CCDC144A: variants seen among roughly 807,000 people sequenced by gnomAD.
CCDC144A encodes the protein coiled-coil domain-containing protein 144A.
CCDC144A carries 41 observed loss-of-function variants against 143.8 expected under a neutral mutation model. The observed-to-expected ratio is 0.29, with a 90% CI of 0.22 to 0.37. The LOEUF is 0.37. Among genes scored for constraint, CCDC144A ranks in the 10% least tolerant of loss-of-function variants. The pLI, the probability that CCDC144A is intolerant of heterozygous loss-of-function variation, is 1.00. For missense variants in CCDC144A, 637 were observed against 1,488.8 expected, an observed-to-expected ratio of 0.43 and a Z score of 9.41; for synonymous variants, 242 against 517.9, an observed-to-expected ratio of 0.47 and a Z score of 7.23.
At chr17:16,681,704 C>T in the CCDC144A span, among the ~76,000 whole-genome samples, 2 of 151,786 alleles carry the variant, frequency 1.3e-5, 1 homozygote, top group Admixed American at 1.3e-4. Context: ...ACTAAAAATA[C>T]AAAAAATTAG....
chr17:16,769,408 T>C (rs1367330625), intron 15 of CCDC144A, among the ~76,000 whole-genome samples: 2 of 152,272 alleles, frequency 1.3e-5, no homozygotes, highest in African/African-American at 4.8e-5. Flanking sequence ...TCCCATGTCT[T>C]TGTATGTACA....
chr17:16,691,373 G>A (rs369026119), intron 1 of CCDC144A, among the ~76,000 whole-genome samples: 5 of 152,202 alleles, frequency 3.3e-5, no homozygotes, highest in East Asian at 3.9e-4. Context: ...CAGATTTGTG[G>A]CAGGAAGCCA....
intron 12 of CCDC144A, among the ~76,000 whole-genome samples, chr17:16,753,682 T>C (rs1466821844): frequency 6.6e-6 from 1 of 152,180 alleles, no homozygotes; most frequent in Non-Finnish European, 1.5e-5. Flanking sequence ...GGCGTGTTTA[T>C]GGTTTTCTGT....
chr17:16,683,553 C>G, the CCDC144A span: 1 of 1,591,548 alleles, frequency 6.3e-7, no homozygotes, highest in South Asian at 1.1e-5. Context: ...CGCGGTCTTT[C>G]TGACCGGGAA....
chr17:16,696,317 A>G (rs1234892737), intron 2 of CCDC144A, among the ~76,000 whole-genome samples: 5 of 149,964 alleles, frequency 3.3e-5, no homozygotes, highest in Admixed American at 2.0e-4. Context: ...CCCTGCCCAG[A>G]CTTTTTAATA....
the CCDC144A span, among the ~76,000 whole-genome samples, chr17:16,675,908 A>G: frequency 1.3e-5 from 2 of 150,908 alleles, no homozygotes; most frequent in African/African-American, 4.9e-5. Context: ...AAGCCCAGCT[A>G]ATTTTTTTTT....
At chr17:16,743,537 G>T (rs1276209444) in intron 12 of CCDC144A, among the ~76,000 whole-genome samples, 11 of 151,918 alleles carry the variant, frequency 7.2e-5, no homozygotes, top group Admixed American at 5.2e-4. Context: ...CTCCAGCTCT[G>T]TTCTTTTCCC....
the CCDC144A span, among the ~76,000 whole-genome samples, chr17:16,681,305 G>A: frequency 1.3e-5 from 2 of 151,776 alleles, no homozygotes; most frequent in Non-Finnish European, 2.9e-5. Flanking sequence ...TCTAATCAAT[G>A]GATAACAAAA....
intron 8 of CCDC144A, 140 bp downstream of exon 8, chr17:16,720,798 T>C: frequency 7.1e-7 from 1 of 1,408,786 alleles, no homozygotes; most frequent in Non-Finnish European, 9.4e-7. Flanking sequence ...ACTTATACTC[T>C]ACGCCAAAGA....
chr17:16,682,202 G>GGTGTGTGT, the CCDC144A span, among the ~76,000 whole-genome samples: 23 of 145,230 alleles, frequency 1.6e-4, no homozygotes, highest in African/African-American at 5.8e-4. Flanking sequence ...TCTGAAAATG[G>GGTGTGTGT]GTGTGTGTGT....
intron 5 of CCDC144A, among the ~76,000 whole-genome samples, chr17:16,711,143 A>AAAAAC (rs1912394026): frequency 7.4e-6 from 1 of 135,052 alleles, no homozygotes; most frequent in East Asian, 2.0e-4. Context: ...AATGAAAAAA[A>AAAAAC]AAAAAAAAAA....
intron 8 of CCDC144A, among the ~76,000 whole-genome samples, chr17:16,720,928 T>C (rs879671644): frequency 5.6e-4 from 86 of 152,260 alleles, no homozygotes; most frequent in Non-Finnish European, 1.0e-3. Flanking sequence ...CCACCTGGAA[T>C]GCTGCGAGAA....
At chr17:16,705,564 T>C (rs1912002555) in intron 3 of CCDC144A, 165 bp downstream of exon 3, 1 of 644,790 alleles carries the variant, frequency 1.6e-6, no homozygotes, top group African/African-American at 1.8e-5. Context: ...GTTCTTCCTT[T>C]AACCAAAGCA....
At chr17:16,725,642 G>A (rs982822693) in intron 8 of CCDC144A, among the ~76,000 whole-genome samples, 1 of 151,386 alleles carries the variant, frequency 6.6e-6, no homozygotes, top group Admixed American at 6.6e-5. Flanking sequence ...GTGGGAGGGG[G>A]GTGAGGGACA....
At chr17:16,756,380 C>T (rs1229352593) in intron 12 of CCDC144A, among the ~76,000 whole-genome samples, 1 of 152,014 alleles carries the variant, frequency 6.6e-6, no homozygotes, top group Admixed American at 6.5e-5. Context: ...CATTCTTCTC[C>T]TTGATCTAGT....
At chr17:16,688,104 A>G (rs1910845369), upstream of CCDC144A, among the ~76,000 whole-genome samples, 1 of 151,606 alleles carries the variant, frequency 6.6e-6, no homozygotes, top group Non-Finnish European at 1.5e-5. Context: ...TTTTTTTCTC[A>G]CTGACATGTA....
intron 3 of CCDC144A, chr17:16,705,602 A>C: frequency 1.8e-6 from 1 of 568,386 alleles, no homozygotes; most frequent in Non-Finnish European, 3.2e-6. Context: ...AATTAGGGGA[A>C]AGCATGATTT....
At chr17:16,729,934 A>T (rs1364778495) in intron 9 of CCDC144A, among the ~76,000 whole-genome samples, 1 of 140,138 alleles carries the variant, frequency 7.1e-6, no homozygotes, top group East Asian at 2.0e-4. Flanking sequence ...TCACCTGAGT[A>T]GTACATATTG....
rs772988629 is a variant in CCDC144A at position 16,735,019 on chromosome 17, C to T, written c.2748C>T (p.Tyr916=). ...QERLEIEMES[Y]RCRLAAAVRD... Reference sequence around the variant, plus strand: ...GACTAGAAATAGAAATGGAATCATACCGTTGTAGACTAGCTGCTGCTGTAC... The same window carrying T: ...GACTAGAAATAGAAATGGAATCATATCGTTGTAGACTAGCTGCTGCTGTAC... The change falls in exon 12 of 17, where the codon TAC becomes TAT. Residue 916 remains tyrosine (Y), a synonymous_variant. Coordinates refer to ENST00000399273, the MANE Select transcript of CCDC144A (RefSeq NM_001382000.1). The T allele has an allele frequency of 1.2e-6, 2 of 1,611,962 alleles. No homozygotes were observed. The highest frequency in any genetic ancestry group is 4.5e-5 in the East Asian group (2 of 44,862).
Sources: allele counts gnomAD v4.1 joint callset (sites outside exome capture counted in the v4.1 genomes callset), GRCh38; gene constraint gnomAD v4.1.1; transcripts MANE v1.5; gene names NCBI Gene and HGNC (gene_info 2026-07-23, HGNC 2026-07-21).